Variants in TBC1D12 observed in about 807,000 individuals in gnomAD.
TBC1D12 encodes the protein TBC1 domain family, member 12.
A neutral mutation model predicts 86.7 loss-of-function variants in TBC1D12; 56 were observed. That is an observed-to-expected ratio of 0.65 (90% CI 0.52 to 0.81). The LOEUF (loss-of-function observed/expected upper bound fraction) is 0.81, where lower values mean the gene tolerates loss of function less well. Among genes scored for constraint, TBC1D12 ranks in the 30% least tolerant of loss-of-function variants. TBC1D12 has a pLI of 0.00. For missense variants in TBC1D12, 1,023 were observed against 1,038.8 expected (o/e 0.98, Z 0.21); for synonymous variants, 421 against 411.7 (o/e 1.02, Z -0.27).
intron 1 of TBC1D12, among the ~76,000 whole-genome samples, chr10:94,433,839 T>C (rs974867405): frequency 6.6e-6 from 1 of 152,212 alleles, no homozygotes; most frequent in Non-Finnish European, 1.5e-5. Flanking sequence ...AATTTATACA[T>C]GTAACTCTGC....
intron 1 of TBC1D12, among the ~76,000 whole-genome samples, chr10:94,412,672 A>G (rs998768768): frequency 1.3e-5 from 2 of 152,230 alleles, no homozygotes; most frequent in Admixed American, 1.3e-4. Flanking sequence ...ATGTTGTGGT[A>G]GGAAGGTTTT....
chr10:94,414,719 C>A (rs762787905), intron 1 of TBC1D12, among the ~76,000 whole-genome samples: 15 of 151,782 alleles, frequency 9.9e-5, no homozygotes, highest in Non-Finnish European at 2.2e-4. Flanking sequence ...CCCATCTCAG[C>A]CTCTGGAGTA....
chr10:94,426,782 T>C (rs549044295), intron 1 of TBC1D12, among the ~76,000 whole-genome samples: 14 of 152,274 alleles, frequency 9.2e-5, no homozygotes, highest in Admixed American at 2.0e-4. Context: ...TTCACCATCT[T>C]GGCCAGGCTG....
intron 3 of TBC1D12, among the ~76,000 whole-genome samples, chr10:94,488,104 G>A (rs1301802264): frequency 2.0e-5 from 3 of 151,918 alleles, no homozygotes; most frequent in Admixed American, 1.3e-4. Context: ...CTTAAGAGTA[G>A]GCTGGGCACA....
At chr10:94,418,854 G>C (rs1240078862) in intron 1 of TBC1D12, among the ~76,000 whole-genome samples, 1 of 150,570 alleles carries the variant, frequency 6.6e-6, no homozygotes, top group Non-Finnish European at 1.5e-5. Flanking sequence ...ATTAGAGGCT[G>C]AGCCACTGTG....
intron 1 of TBC1D12, among the ~76,000 whole-genome samples, chr10:94,432,254 C>T (rs1447939218): frequency 3.9e-5 from 6 of 151,940 alleles, no homozygotes; most frequent in Non-Finnish European, 8.8e-5. Context: ...CAGTAGATCG[C>T]GAGACAAGGG....
chr10:94,507,152 A>G (rs1292458477), intron 6 of TBC1D12, 115 bp from the exon 7 acceptor site: 4 of 958,470 alleles, frequency 4.2e-6, no homozygotes, highest in Non-Finnish European at 6.3e-6. Flanking sequence ...CACTTTTTTG[A>G]TGCTTGCTAC....
intron 1 of TBC1D12, among the ~76,000 whole-genome samples, chr10:94,405,920 C>A (rs1377793425): frequency 6.6e-6 from 1 of 151,752 alleles, no homozygotes; most frequent in African/African-American, 2.4e-5. Flanking sequence ...AAGTGATTCT[C>A]CTGCCTCAGC....
At chr10:94,425,486 A>C (rs2055133763) in intron 1 of TBC1D12, among the ~76,000 whole-genome samples, 1 of 152,220 alleles carries the variant, frequency 6.6e-6, no homozygotes, top group Non-Finnish European at 1.5e-5. Context: ...ATTTCTCTGA[A>C]ATTAGCTGAC....
At chr10:94,486,126 TC>T (rs1352399224) in intron 3 of TBC1D12, among the ~76,000 whole-genome samples, 8 of 137,414 alleles carry the variant, frequency 5.8e-5, no homozygotes, top group Non-Finnish European at 1.1e-4. Context: ...TTTTCTTTTT[TC>T]TTCTTCTTCT....
chr10:94,523,083 C>T (rs1038568483), intron 11 of TBC1D12, among the ~76,000 whole-genome samples: 6 of 142,324 alleles, frequency 4.2e-5, no homozygotes, highest in South Asian at 2.4e-4. Context: ...TGGGTGTAGT[C>T]GCTGTAGGCT....
chr10:94,403,664 G>GAGCCGT (rs1487088765), intron 1 of TBC1D12, 80 bp downstream of exon 1: 1 of 1,385,644 alleles, frequency 7.2e-7, no homozygotes, highest in Non-Finnish European at 9.3e-7. Flanking sequence ...GTCGGAGCCG[G>GAGCCGT]AGCCGGAGCC....
chr10:94,452,529 C>G (rs923111320), intron 2 of TBC1D12, among the ~76,000 whole-genome samples: 1 of 152,132 alleles, frequency 6.6e-6, no homozygotes, highest in Non-Finnish European at 1.5e-5. Flanking sequence ...TAATTGGAAC[C>G]AGACAGTACT....
intron 11 of TBC1D12, among the ~76,000 whole-genome samples, chr10:94,523,329 G>T (rs975558560): frequency 2.6e-5 from 4 of 151,442 alleles, no homozygotes; most frequent in Non-Finnish European, 5.9e-5. Flanking sequence ...GGTGTTTTAC[G>T]TGGATTATCT....
chr10:94,450,825 T>C (rs1359353261), intron 2 of TBC1D12, among the ~76,000 whole-genome samples: 1 of 152,112 alleles, frequency 6.6e-6, no homozygotes, highest in East Asian at 1.9e-4. Flanking sequence ...GCATATACTA[T>C]TCAGCCATAA....
intron 9 of TBC1D12, among the ~76,000 whole-genome samples, chr10:94,518,904 G>A (rs970346668): frequency 3.3e-5 from 5 of 152,006 alleles, no homozygotes; most frequent in African/African-American, 4.8e-5. Context: ...GTAAAACCCC[G>A]TCACTATTAA....
chr10:94,472,512 G>C (rs1009812633), intron 2 of TBC1D12, among the ~76,000 whole-genome samples: 1 of 152,146 alleles, frequency 6.6e-6, no homozygotes, highest in African/African-American at 2.4e-5. Context: ...TGTTTGCATG[G>C]AAAATGTTTT....
intron 1 of TBC1D12, among the ~76,000 whole-genome samples, chr10:94,409,148 AC>A (rs897110835): frequency 6.7e-6 from 1 of 149,612 alleles, no homozygotes; most frequent in African/African-American, 2.5e-5. Context: ...TCTTTTAAAA[AC>A]CCCCCAAAAA....
At chr10:94,474,621 C>A in intron 2 of TBC1D12, 47 bp from the exon 3 acceptor site, 1 of 1,366,264 alleles carries the variant, frequency 7.3e-7, no homozygotes, top group Non-Finnish European at 1.0e-6. Context: ...ATAGTACAAA[C>A]TATGTTGGAG....
Sources: gnomAD v4.1 joint callset for allele counts (sites outside exome capture counted in the v4.1 genomes callset) on GRCh38, gnomAD v4.1.1 for gene constraint, MANE v1.5 for transcripts, NCBI Gene and HGNC (gene_info 2026-07-23, HGNC 2026-07-21) for gene names.